TMSB15B: variants seen among roughly 807,000 people sequenced by gnomAD.
The protein encoded by TMSB15B is thymosin beta 15B, also known as thymosin beta-15B.
chrX:103,923,800 G>A (rs1430804208), intron 1 of TMSB15B, among the ~76,000 whole-genome samples: 14 of 111,219 alleles, frequency 1.3e-4, no homozygotes, highest in Non-Finnish European at 2.6e-4. Flanking sequence ...GGGCAGTATG[G>A]CCATTTTCAA....
intron 1 of TMSB15B, among the ~76,000 whole-genome samples, chrX:103,922,715 T>A (rs1487063858): frequency 1.8e-5 from 2 of 111,846 alleles, no homozygotes; most frequent in Non-Finnish European, 3.8e-5. Flanking sequence ...CCTTTGGGTA[T>A]ATACCCAGTA....
intron 1 of TMSB15B, among the ~76,000 whole-genome samples, chrX:103,930,758 A>C: frequency 9.4e-6 from 1 of 106,569 alleles, no homozygotes; most frequent in South Asian, 4.0e-4. Context: ...TAATAATAAT[A>C]ATAATAATAA....
intron 1 of TMSB15B, among the ~76,000 whole-genome samples, chrX:103,923,547 G>A (rs1448850236): frequency 2.7e-5 from 3 of 111,392 alleles, no homozygotes; most frequent in Non-Finnish European, 5.6e-5. Flanking sequence ...GCTGTGTTCT[G>A]TTCCATTGGT....
intron 1 of TMSB15B, among the ~76,000 whole-genome samples, chrX:103,921,924 G>A (rs782809688): frequency 8.9e-6 from 1 of 111,757 alleles, no homozygotes; most frequent in East Asian, 2.8e-4. Context: ...GCAGGCCAGG[G>A]ATGTCAAACT....
intron 1 of TMSB15B, among the ~76,000 whole-genome samples, chrX:103,952,492 T>C (rs1353046776): frequency 4.5e-5 from 5 of 110,815 alleles, no homozygotes; most frequent in African/African-American, 1.6e-4. Context: ...TGAGTGGGCT[T>C]CAGGGGATCC....
intron 1 of TMSB15B, among the ~76,000 whole-genome samples, chrX:103,937,256 C>T (rs782718559): frequency 8.9e-5 from 10 of 111,935 alleles, no homozygotes; most frequent in Non-Finnish European, 1.5e-4. Flanking sequence ...ATAAGCTCCT[C>T]TTTGTACCTC....
intron 1 of TMSB15B, among the ~76,000 whole-genome samples, chrX:103,926,915 G>A (rs1220253266): frequency 9.1e-6 from 1 of 109,844 alleles, no homozygotes; most frequent in African/African-American, 3.3e-5. Context: ...CACCCACACA[G>A]CTCTGTGCTC....
chrX:103,943,068 A>G (rs781957728), intron 1 of TMSB15B, among the ~76,000 whole-genome samples: 2 of 111,808 alleles, frequency 1.8e-5, no homozygotes, highest in Admixed American at 9.5e-5. Flanking sequence ...GATAATGGAG[A>G]TGGAGTACAA....
At chrX:103,934,262 TATTTCACTTCAC>T (rs1297105552) in intron 1 of TMSB15B, among the ~76,000 whole-genome samples, 2 of 111,446 alleles carry the variant, frequency 1.8e-5, no homozygotes, top group East Asian at 5.6e-4. Flanking sequence ...GTGCCTGGAT[TATTTCACTTCAC>T]ATTTCACTTC....
At chrX:103,924,757 G>A (rs2074963402) in intron 1 of TMSB15B, among the ~76,000 whole-genome samples, 1 of 111,559 alleles carries the variant, frequency 9.0e-6, no homozygotes, top group African/African-American at 3.3e-5. Context: ...TACCCATGTG[G>A]ACTAGACTGG....
At chrX:103,937,708 T>C (rs781988604) in intron 1 of TMSB15B, among the ~76,000 whole-genome samples, 46 of 111,821 alleles carry the variant, frequency 4.1e-4, no homozygotes, top group Non-Finnish European at 7.7e-4. Context: ...TGTCTTCTGC[T>C]AGCTTTTGAA....
chrX:103,928,891 C>G (rs1201386702), intron 1 of TMSB15B: 4 of 1,204,255 alleles, frequency 3.3e-6, no homozygotes, highest in Non-Finnish European at 4.5e-6. Context: ...GGGCCAAAAG[C>G]TTCTCCTGAT....
Position 103,928,035 on chromosome X carries a change from G to A in TMSB15B, c.-721+8743G>A, listed in dbSNP as rs185847711. 6.3e-3 allele frequency: 4,225 copies of A among 666,975 alleles called. 134 individuals are homozygous for A. The African/African-American group carries it at 0.08, about 13-fold the overall frequency. The allele number at this position is 666,975 out of a possible 1,213,427, so 55.0% of individuals were successfully genotyped here. ...TGCTTGCCAACGGAATTAATTGGTCGCTCTAATCTCTTTTTTTCCACCCTT... is the reference window on the plus strand; with the variant it reads ...TGCTTGCCAACGGAATTAATTGGTCACTCTAATCTCTTTTTTTCCACCCTT... On this transcript the variant is annotated intron_variant, in intron 1 of 3. Transcript: ENST00000419165.
chrX:103,931,589 G>A (rs1330356979), intron 1 of TMSB15B: 1 of 112,211 alleles, frequency 8.9e-6, no homozygotes, highest in Non-Finnish European at 1.9e-5. Flanking sequence ...TTATCTCTAT[G>A]ACAATGGAAC....
intron 1 of TMSB15B, among the ~76,000 whole-genome samples, chrX:103,954,062 G>A (rs2075045443): frequency 8.9e-6 from 1 of 111,851 alleles, no homozygotes; most frequent in South Asian, 3.8e-4. Flanking sequence ...CTGAGCTATT[G>A]CTGACTCACA....
At chrX:103,933,611 A>G in intron 1 of TMSB15B, among the ~76,000 whole-genome samples, 1 of 111,425 alleles carries the variant, frequency 9.0e-6, no homozygotes, top group East Asian at 2.8e-4. Context: ...CCTAACCAAC[A>G]GTTTTGTTTT....
intron 1 of TMSB15B, among the ~76,000 whole-genome samples, chrX:103,922,405 G>A (rs1161699391): frequency 8.7e-5 from 8 of 91,480 alleles, no homozygotes; most frequent in Admixed American, 7.1e-4. Flanking sequence ...CCCATCCTGT[G>A]TCCAAGTGTT....
At chrX:103,931,897 C>G (rs1200339086) in intron 1 of TMSB15B, 1 of 110,979 alleles carries the variant, frequency 9.0e-6, no homozygotes, top group Non-Finnish European at 1.9e-5. Flanking sequence ...CACCAGTGGC[C>G]AATGATTTAA....
intron 1 of TMSB15B, among the ~76,000 whole-genome samples, chrX:103,936,305 T>G (rs2074997681): frequency 1.8e-5 from 2 of 111,916 alleles, no homozygotes; most frequent in African/African-American, 6.5e-5. Context: ...TTTCCATTTG[T>G]TTGTGTCCTC....
Sources: gnomAD v4.1 joint callset for allele counts (sites outside exome capture counted in the v4.1 genomes callset) on GRCh38, gnomAD v4.1.1 for gene constraint, MANE v1.5 for transcripts, NCBI Gene and HGNC (gene_info 2026-07-23, HGNC 2026-07-21) for gene names.